MFN2: variants seen among roughly 807,000 people sequenced by gnomAD.
MFN2 encodes the protein mitofusin-2.
In MFN2, 43 loss-of-function variants were observed where a neutral mutation model predicts 87.5. The observed-to-expected ratio is 0.49, with a 90% CI of 0.38 to 0.63. The LOEUF (loss-of-function observed/expected upper bound fraction) is 0.63. MFN2 is among the 30% of genes least tolerant of loss of function. The probability of loss-of-function intolerance (pLI) is 0.00; values close to 1 mark genes in which losing one functional copy is unlikely to be tolerated. For synonymous variants in MFN2, 337 were observed against 359.9 expected, an observed-to-expected ratio of 0.94 and a Z score of 0.72; for missense variants, 743 against 972.8, an observed-to-expected ratio of 0.76 and a Z score of 3.14.
intron 18 of MFN2, 64 bp downstream of exon 18, chr1:12,009,790 C>G: frequency 3.1e-6 from 5 of 1,611,102 alleles, no homozygotes; most frequent in African/African-American, 2.7e-5. Flanking sequence ...CACTGGGGCT[C>G]AGCTGCTGGG....
chr1:12,004,892 C>T lies in MFN2; in HGVS notation c.1460C>T (p.Thr487Ile). Residue 487 changes from threonine (T) to isoleucine (I), a missense_variant, in exon 14 of 19, where the codon ACC (threonine) becomes ATC (isoleucine). Transcript: ENST00000235329. The surrounding 1 kb of genome is among the most constrained non-coding windows in gnomAD (Gnocchi z 4.2). The part of the protein sequence containing the change: ...NMSDRCSTAI[T>I]NSLQTMQQDM... ...TCTGACCGCTGCTCCACGGCCATCA[C>T]CAACTCCCTGCAGACCATGCAGCAG... is the stretch of plus-strand genomic sequence containing the variant. The T allele has an allele frequency of 6.2e-7, 1 of 1,613,282 alleles. No individual in the cohort carries two copies. The highest frequency in any genetic ancestry group is 1.7e-5 in the Admixed American group (1 of 59,958).
At chr1:12,000,278 C>T (rs539804403) in intron 8 of MFN2, among the ~76,000 whole-genome samples, 2 of 151,972 alleles carry the variant, frequency 1.3e-5, no homozygotes, top group East Asian at 2.0e-4. Context: ...CTGCAACCTC[C>T]ACCTCCAGGG....
chr1:11,991,923 C>CAAAAAAAAAAA lies in MFN2; in HGVS notation c.176-613_176-603dup, dbSNP rs35314016. On this transcript the variant is annotated intron_variant, in intron 3 of 18. Coordinates refer to ENST00000235329, the MANE Select transcript of MFN2 (RefSeq NM_014874.4). ...TGGGCGACAGAGCGAGACTCCGTCTCAAAAAAAAAAAAAAAAAAAAAAAAA... is the reference window on the plus strand; with the variant it reads ...TGGGCGACAGAGCGAGACTCCGTCTCAAAAAAAAAAAAAAAAAAAAAAAAAAAAAAAAAAAA... Among the ~76,000 whole-genome samples, 41 of 16,730 alleles carry CAAAAAAAAAAA rather than the reference C, an allele frequency of 2.5e-3. 1 individual carries two copies. The highest frequency in any genetic ancestry group is 2.8e-3 in the Non-Finnish European group (24 of 8,494). The allele number at this position is 16,730 out of a possible 152,430, so 11.0% of individuals were successfully genotyped here. A position where few individuals can be genotyped will look rare whatever the true frequency, so the allele number is the denominator to read the frequency against.
chr1:12,002,006 A>G lies in MFN2; in HGVS notation c.1063A>G (p.Lys355Glu). ...GGAGTGCATCTCCCAGTCTGCAGTGAAGACCAAGTTTGAGCAGCACACGGT... is the reference window on the plus strand; with the variant it reads ...GGAGTGCATCTCCCAGTCTGCAGTGGAGACCAAGTTTGAGCAGCACACGGT... Reference protein sequence around the residue: ...FEECISQSAVKTKFEQHTVRA... With the variant: ...FEECISQSAVETKFEQHTVRA... The change falls in exon 11 of 19, where the codon AAG becomes GAG. Residue 355 changes from lysine to glutamate, a missense_variant. By Grantham distance (56) the Lys-to-Glu change is moderately conservative. Coordinates refer to ENST00000235329, the MANE Select transcript of MFN2 (RefSeq NM_014874.4). 1 of 1,614,194 alleles carries G rather than the reference A, an allele frequency of 6.2e-7. No homozygotes were observed. Among genetic ancestry groups the G allele is most frequent in the Non-Finnish European group, 8.5e-7 (1 of 1,180,038 alleles).
At chr1:12,002,481 G>T (rs192509771) in intron 11 of MFN2, among the ~76,000 whole-genome samples, 1 of 152,352 alleles carries the variant, frequency 6.6e-6, no homozygotes, top group Admixed American at 6.5e-5. Flanking sequence ...ACTGCTTGAG[G>T]CCAGGAGTCC....
intron 1 of MFN2, among the ~76,000 whole-genome samples, chr1:11,981,613 T>C (rs1371764665): frequency 6.6e-6 from 1 of 152,268 alleles, no homozygotes; most frequent in Non-Finnish European, 1.5e-5. Flanking sequence ...TCAGTTCTTC[T>C]GTTCCTCAAT....
intron 15 of MFN2, 135 bp downstream of exon 15, chr1:12,006,066 C>T (rs2100854259): frequency 1.3e-6 from 1 of 762,894 alleles, no homozygotes; most frequent in South Asian, 1.6e-5. Context: ...CACAGTACAC[C>T]ACAGACAGAA....
rs1483910411 is a variant in MFN2 at position 12,004,480 on chromosome 1, A to G, written c.1288-29A>G. 17 of 1,598,278 alleles carry G rather than the reference A, an allele frequency of 1.1e-5. No individual in the cohort carries two copies. The highest frequency in any genetic ancestry group is 1.4e-5 in the Non-Finnish European group (16 of 1,165,678). On this transcript the variant is annotated intron_variant, in intron 12 of 18. Coordinates refer to ENST00000235329, the MANE Select transcript of MFN2 (RefSeq NM_014874.4). The surrounding 1 kb of genome is among the most constrained non-coding windows in gnomAD (Gnocchi z 4.2). Reference sequence around the variant, plus strand: ...GGAGTGAACTTTGGTCTTCCTTGATACTTAACAGTGTGCTTCCTTTTGCTG... The same window carrying G: ...GGAGTGAACTTTGGTCTTCCTTGATGCTTAACAGTGTGCTTCCTTTTGCTG...
At chr1:11,992,035 C>T (rs1338352338) in intron 3 of MFN2, among the ~76,000 whole-genome samples, 3 of 150,434 alleles carry the variant, frequency 2.0e-5, no homozygotes, top group Non-Finnish European at 3.0e-5. Flanking sequence ...TTACTAACTC[C>T]GGAGCCATGT....
chr1:12,011,255 CAG>C (rs1249856122), intron 18 of MFN2, among the ~76,000 whole-genome samples: 12 of 152,216 alleles, frequency 7.9e-5, no homozygotes, highest in Admixed American at 7.9e-4. Flanking sequence ...GAAGGAAACA[CAG>C]GGCTTGAGAA....
Position 12,011,666 on chromosome 1 carries a change from C to A in MFN2, c.*101C>A. ...GCACGTGTGGCTCCTGCCCCCTGGCCACTGCCAAGAGAATGAAGCACCCAG... is the reference window on the plus strand; with the variant it reads ...GCACGTGTGGCTCCTGCCCCCTGGCAACTGCCAAGAGAATGAAGCACCCAG... On this transcript the variant is annotated 3_prime_UTR_variant, in exon 19 of 19. Transcript: ENST00000235329. 1 of 1,259,064 alleles carries A rather than the reference C, an allele frequency of 7.9e-7. No homozygotes were observed. Among genetic ancestry groups the A allele is most frequent in the Non-Finnish European group, 1.2e-6 (1 of 865,662 alleles). The allele number at this position is 1,259,064 out of a possible 1,614,324, so 78.0% of individuals were successfully genotyped here. A position where few individuals can be genotyped will look rare whatever the true frequency, so the allele number is the denominator to read the frequency against.
At chr1:12,008,367 G>A (rs180810971) in intron 17 of MFN2, among the ~76,000 whole-genome samples, 2,485 of 150,638 alleles carry the variant, frequency 0.016, 31 homozygotes, top group Middle Eastern at 0.052. Flanking sequence ...GGCGGCGGCC[G>A]GGCGGAGGCG....
At chr1:11,992,975 T>TTTG (rs1638757207) in intron 4 of MFN2, among the ~76,000 whole-genome samples, 1 of 151,122 alleles carries the variant, frequency 6.6e-6, no homozygotes, top group Non-Finnish European at 1.5e-5. Context: ...GACTTTTTTT[T>TTTG]TTTTATTTTC....
chr1:11,996,361 G>A, intron 5 of MFN2, 43 bp downstream of exon 5: 3 of 1,612,318 alleles, frequency 1.9e-6, no homozygotes, highest in Non-Finnish European at 1.7e-6. Context: ...CCTGCTGGGG[G>A]AGCAAGTCCT....
intron 2 of MFN2, among the ~76,000 whole-genome samples, chr1:11,984,165 A>G (rs1209906775): frequency 2.0e-5 from 3 of 152,198 alleles, no homozygotes; most frequent in Admixed American, 2.0e-4. Flanking sequence ...GGGCTTGCAA[A>G]CATTGACCAG....
intron 4 of MFN2, 103 bp from the exon 5 acceptor site, chr1:11,996,053 T>C: frequency 6.9e-7 from 1 of 1,441,688 alleles, no homozygotes; most frequent in Non-Finnish European, 9.7e-7. Context: ...ACTGGCAACA[T>C]TGCACTGAAT....
At position 11,989,352 on chromosome 1, in the gene MFN2, G is replaced by A. The variant is rs373340717; in HGVS notation, c.175+9G>A. 9.6e-5 allele frequency: 155 copies of A among 1,613,406 alleles called. No individual in the cohort carries two copies. In the Middle Eastern group the frequency reaches 2.1e-3, roughly 22 times the overall value. On this transcript the variant is annotated intron_variant, in intron 3 of 18. Transcript: ENST00000235329. Reference sequence around the variant, plus strand: ...CGCCACCTTCCTTGAAGGTAAGGGGGCACCGGCTCAGCCAGGCCCGCTCTT... The same window carrying A: ...CGCCACCTTCCTTGAAGGTAAGGGGACACCGGCTCAGCCAGGCCCGCTCTT...
At chr1:11,990,201 CGTT>C (rs1557516896) in intron 3 of MFN2, among the ~76,000 whole-genome samples, 3 of 152,172 alleles carry the variant, frequency 2.0e-5, no homozygotes, top group East Asian at 3.9e-4. Context: ...CTTGGCTTCT[CGTT>C]GTTTTACATG....
At chr1:12,010,102 C>T (rs190066585) in intron 18 of MFN2, among the ~76,000 whole-genome samples, 10 of 152,026 alleles carry the variant, frequency 6.6e-5, no homozygotes, top group African/African-American at 2.4e-4. Context: ...TGCAGTGAGC[C>T]GAGATTATGC....
Sources: gnomAD v4.1 joint callset for allele counts (sites outside exome capture counted in the v4.1 genomes callset) on GRCh38, gnomAD v4.1.1 for gene constraint, Gnocchi (gnomAD v3.1) non-coding constraint, MANE v1.5 for transcripts, NCBI Gene and HGNC (gene_info 2026-07-23, HGNC 2026-07-21) for gene names.